PXN: variants seen among roughly 807,000 people sequenced by gnomAD.
PXN encodes testicular tissue protein Li 134.
In PXN, 61 loss-of-function variants were observed where a neutral mutation model predicts 103.6. That is an observed-to-expected ratio of 0.59 (90% CI 0.48 to 0.73). PXN has a LOEUF of 0.73. Among genes scored for constraint, PXN ranks in the 30% least tolerant of loss-of-function variants. PXN has a pLI of 0.00. For missense variants in PXN, 1,274 were observed against 1,460.3 expected (o/e 0.87, Z 2.08); for synonymous variants, 562 against 607.8 (o/e 0.92, Z 1.11).
At chr12:120,261,053 C>T (rs929323282) in intron 1 of PXN, among the ~76,000 whole-genome samples, 4 of 152,184 alleles carry the variant, frequency 2.6e-5, no homozygotes, top group African/African-American at 9.7e-5. Flanking sequence ...GTCTCAGTTT[C>T]CTCACTTATA....
rs1396428945 is a variant in PXN at position 120,216,724 on chromosome 12, A to G, written c.1992+117T>C. 1.3e-6 allele frequency: 2 copies of G among 1,594,592 alleles called. No homozygotes were observed. Among genetic ancestry groups the G allele is most frequent in the African/African-American group, 1.3e-5 (1 of 74,570 alleles). ...CAGTCTTCCAAAGTCACAGGAGGCA[A>G]GAAACCCCCACCCTCTCCCCAGATC... On this transcript the variant is annotated intron_variant, in intron 8 of 14. Coordinates refer to ENST00000637617, the MANE Select transcript of PXN (RefSeq NM_001385981.1). This position sits in a 1 kb window ranked among gnomAD's most constrained non-coding sequence, Gnocchi z 5.1.
intron 1 of PXN, among the ~76,000 whole-genome samples, chr12:120,262,556 A>T (rs1429733483): frequency 6.6e-6 from 1 of 152,134 alleles, no homozygotes; most frequent in Admixed American, 6.5e-5. Flanking sequence ...TATAAAGTGG[A>T]GCGAAAACAC....
Position 120,219,857 on chromosome 12 carries a change from C to T in PXN, c.1066G>A (p.Val356Met), listed in dbSNP as rs780525333. The T allele has an allele frequency of 2.5e-6, 4 of 1,598,324 alleles. No individual in the cohort carries two copies. Among genetic ancestry groups the T allele is most frequent in the Non-Finnish European group, 3.4e-6 (4 of 1,179,812 alleles). Residue 356 changes from valine to methionine, a missense_variant, in exon 7 of 15, where the codon GTG becomes ATG. Physicochemically the swap from Val to Met is conservative, Grantham distance 21. This residue lies in a region of PXN where 1,178 missense variants were observed against 1,309.0 expected (regional missense o/e 0.90). Transcript: ENST00000637617. The surrounding 1 kb of genome is among the most constrained non-coding windows in gnomAD (Gnocchi z 6.5). ...CTTGAGTTGAAGGTGTCAGGCATCA[C>T]CCCAAGACCAGCCAAATCAAGCCAG... Reference protein sequence around the residue: ...PSWLDLAGLGVMPDTFNSRSP... With the variant: ...PSWLDLAGLGMMPDTFNSRSP...
At chr12:120,248,552 CCT>C (rs1310637751) in intron 1 of PXN, among the ~76,000 whole-genome samples, 1 of 148,820 alleles carries the variant, frequency 6.7e-6, no homozygotes, top group Non-Finnish European at 1.5e-5. Context: ...CAGACTGTCC[CCT>C]CTCTTCCCTC....
rs1880006976 is a variant in PXN, at chr12:120,210,861, G to T, written c.*1453C>A. ...TTCATCCTTGGTAAAGAGCTCTGGGGGGTTTCCCCAGAGGAGCCTGTCCCT... is the reference window on the plus strand; with the variant it reads ...TTCATCCTTGGTAAAGAGCTCTGGGTGGTTTCCCCAGAGGAGCCTGTCCCT... On this transcript the variant is annotated 3_prime_UTR_variant, in exon 15 of 15. Coordinates refer to ENST00000637617, the MANE Select transcript of PXN (RefSeq NM_001385981.1). 1 of 152,670 alleles carries T rather than the reference G, an allele frequency of 6.6e-6. No homozygotes were observed. Among genetic ancestry groups the T allele is most frequent in the South Asian group, 2.1e-4 (1 of 4,830 alleles). 9.5% of individuals were successfully genotyped at this position (152,670 alleles called of 1,614,324 possible).
At chr12:120,232,149 G>A (rs1004479817) in intron 1 of PXN, among the ~76,000 whole-genome samples, 5 of 152,188 alleles carry the variant, frequency 3.3e-5, no homozygotes, top group Non-Finnish European at 7.3e-5. Context: ...AGCCTCCCGA[G>A]TAGCTAGGAC....
intron 1 of PXN, among the ~76,000 whole-genome samples, chr12:120,232,614 C>G (rs933756442): frequency 6.6e-6 from 1 of 152,166 alleles, no homozygotes; most frequent in Non-Finnish European, 1.5e-5. Context: ...AAATCGACCC[C>G]AGCCCATTCC....
In PXN at chr12:120,214,820, C is replaced by T; in HGVS notation, c.2748+5G>A. ...AGCGGGCGCGGTGCCGGATGAGGAA[C>T]TCACATCCAGGATGGGGCCGTTGCA... On this transcript the variant is annotated splice_donor_5th_base_variant and intron_variant, in intron 12 of 14. Coordinates refer to ENST00000637617, the MANE Select transcript of PXN (RefSeq NM_001385981.1). The surrounding 1 kb of genome is among the most constrained non-coding windows in gnomAD (Gnocchi z 5.0). 1 of 1,613,760 alleles carries T rather than the reference C, an allele frequency of 6.2e-7. No homozygotes were observed. The highest frequency in any genetic ancestry group is 8.5e-7 in the Non-Finnish European group (1 of 1,179,682).
At chr12:120,250,685 A>C (rs1369125766) in intron 1 of PXN, among the ~76,000 whole-genome samples, 1 of 152,196 alleles carries the variant, frequency 6.6e-6, no homozygotes, top group African/African-American at 2.4e-5. Flanking sequence ...ACCCAACTTA[A>C]CACCACCAGC....
At chr12:120,240,498 A>G (rs977852435) in intron 1 of PXN, among the ~76,000 whole-genome samples, 1 of 152,196 alleles carries the variant, frequency 6.6e-6, no homozygotes, top group African/African-American at 2.4e-5. Context: ...AAAAGCTGAG[A>G]GGCTTTGCAG....
At position 120,222,309 on chromosome 12, in the gene PXN, T is replaced by C. The variant is rs1885415028; in HGVS notation, c.695+240A>G. Among the ~76,000 whole-genome samples, 1 of 152,224 alleles carries C rather than the reference T, an allele frequency of 6.6e-6. No homozygotes were observed. Among genetic ancestry groups the C allele is most frequent in the Non-Finnish European group, 1.5e-5 (1 of 68,034 alleles). ...CCCCACTGTGTGGCCCCAAAGCCTG[T>C]GCTAAGAGCTGCTAAGCTCCAGGCG... On this transcript the variant is annotated intron_variant, in intron 5 of 14. Transcript: ENST00000637617. This position sits in a 1 kb window ranked among gnomAD's most constrained non-coding sequence, Gnocchi z 4.7.
intron 1 of PXN, chr12:120,226,603 T>C: frequency 8.4e-7 from 1 of 1,191,572 alleles, no homozygotes; most frequent in Non-Finnish European, 1.1e-6. Context: ...TTTTGGTTTA[T>C]GGATTGGATT....
chr12:120,223,298 G>A (rs1323280129), intron 3 of PXN, among the ~76,000 whole-genome samples: 1 of 152,112 alleles, frequency 6.6e-6, no homozygotes, highest in Admixed American at 6.5e-5. Flanking sequence ...GCCAGGCGTG[G>A]TGGTGGGTGC....
intron 1 of PXN, among the ~76,000 whole-genome samples, chr12:120,233,794 G>C (rs1423828929): frequency 6.6e-6 from 1 of 152,142 alleles, no homozygotes; most frequent in Non-Finnish European, 1.5e-5. Context: ...CCCCCTCACT[G>C]CAACCCATGT....
chr12:120,228,405 T>C lies in PXN; in HGVS notation c.14-4028A>G, dbSNP rs1887334247. 6.6e-6 allele frequency among the ~76,000 whole-genome samples: 1 copy of C among 152,120 alleles called. No individual in the cohort carries two copies. Among genetic ancestry groups the C allele is most frequent in the African/African-American group, 2.4e-5 (1 of 41,418 alleles). On this transcript the variant is annotated intron_variant, in intron 1 of 14. Transcript: ENST00000637617. The surrounding 1 kb of genome is among the most constrained non-coding windows in gnomAD (Gnocchi z 4.7). ...GAGGTAGGCCAGGCTGTCTCGAGGC[T>C]GAGGGCAGGCTAGGTGCAAAGTCCC...
In PXN at chr12:120,229,786, T is replaced by C. The variant is rs1441073613; in HGVS notation, c.14-5409A>G. ...TCCAATCCCTGAGGGCAAAGGGTGC[T>C]GCCCTCTAGTCCCAGATCAGCAGGA... On this transcript the variant is annotated intron_variant, in intron 1 of 14. Transcript: ENST00000637617. This position sits in a 1 kb window ranked among gnomAD's most constrained non-coding sequence, Gnocchi z 4.0. Among the ~76,000 whole-genome samples, 1 of 152,162 alleles carries C rather than the reference T, an allele frequency of 6.6e-6. No individual in the cohort carries two copies. Among genetic ancestry groups the C allele is most frequent in the Admixed American group, 6.5e-5 (1 of 15,276 alleles).
In PXN at chr12:120,221,886, CCT is replaced by C; in HGVS notation, c.696-130_696-129del. On this transcript the variant is annotated intron_variant, in intron 5 of 14. Coordinates refer to ENST00000637617, the MANE Select transcript of PXN (RefSeq NM_001385981.1). This position sits in a 1 kb window ranked among gnomAD's most constrained non-coding sequence, Gnocchi z 6.6. ...CAACCCCAGGGAGGTCCACCAGCTC[CCT>C]GTCTCTCCTGGGGACCCATCACTGG... 3.0e-6 allele frequency: 4 copies of C among 1,351,622 alleles called. No homozygotes were observed. In the South Asian group the frequency reaches 6.0e-5, roughly 20 times the overall value. The allele number at this position is 1,351,622 out of a possible 1,614,324, so 83.7% of individuals were successfully genotyped here.
intron 1 of PXN, among the ~76,000 whole-genome samples, chr12:120,257,727 G>C (rs1893243140): frequency 6.6e-6 from 1 of 152,194 alleles, no homozygotes; most frequent in Non-Finnish European, 1.5e-5. Flanking sequence ...TGGAAAACTG[G>C]ATGGTCAGAC....
At position 120,213,806 on chromosome 12, in the gene PXN, T is replaced by C. The variant is rs1242812755; in HGVS notation, c.2979+36A>G. 6.3e-7 allele frequency: 1 copy of C among 1,593,704 alleles called. No homozygotes were observed. Among genetic ancestry groups the C allele is most frequent in the East Asian group, 2.3e-5 (1 of 43,886 alleles). ...AGACCCCTCTCTCCCCACTGCCTGC[T>C]CCTCGCCCCTCCAGATGTGGTCAGG... On this transcript the variant is annotated intron_variant, in intron 14 of 14. Transcript: ENST00000637617. This position sits in a 1 kb window ranked among gnomAD's most constrained non-coding sequence, Gnocchi z 4.2.
Sources: gnomAD v4.1 joint callset for allele counts (sites outside exome capture counted in the v4.1 genomes callset) on GRCh38, gnomAD v4.1.1 for gene constraint, gnomAD v4.1.1 regional missense constraint, Gnocchi (gnomAD v3.1) non-coding constraint, MANE v1.5 for transcripts, NCBI Gene and HGNC (gene_info 2026-07-23, HGNC 2026-07-21) for gene names.